PPARGC1A: variants seen among roughly 807,000 people sequenced by gnomAD.
The protein encoded by PPARGC1A is PPARG coactivator 1 alpha, also known as peroxisome proliferator-activated receptor gamma coactivator 1-alpha.
A neutral mutation model predicts 88.7 loss-of-function variants in PPARGC1A; 25 were observed. That is an observed-to-expected ratio of 0.28 (90% CI 0.21 to 0.39). The LOEUF (loss-of-function observed/expected upper bound fraction) is 0.39. Among genes scored for constraint, PPARGC1A ranks in the 10% least tolerant of loss-of-function variants. The pLI is 1.00. For synonymous variants in PPARGC1A, 363 were observed against 355.6 expected, an observed-to-expected ratio of 1.02 and a Z score of -0.24; for missense variants, 880 against 968.7, an observed-to-expected ratio of 0.91 and a Z score of 1.22.
the PPARGC1A span, among the ~76,000 whole-genome samples, chr4:24,132,791 G>T: frequency 1.3e-5 from 2 of 151,216 alleles, no homozygotes; most frequent in African/African-American, 4.9e-5. Flanking sequence ...CTTTCAAAGG[G>T]TTCCTCTGGC....
the PPARGC1A span, among the ~76,000 whole-genome samples, chr4:23,941,401 T>C: frequency 6.6e-6 from 1 of 152,120 alleles, no homozygotes; most frequent in Non-Finnish European, 1.5e-5. Flanking sequence ...TTAACCAAAC[T>C]ATTTTGTGGG....
chr4:24,390,807 C>G, the PPARGC1A span, among the ~76,000 whole-genome samples: 16 of 152,042 alleles, frequency 1.1e-4, no homozygotes, highest in African/African-American at 3.9e-4. Context: ...GAATGTTCTG[C>G]CTTTCAAATC....
chr4:23,827,911 GAAGA>G (rs1270488030), intron 5 of PPARGC1A, among the ~76,000 whole-genome samples: 2 of 151,910 alleles, frequency 1.3e-5, no homozygotes, highest in East Asian at 3.9e-4. Context: ...GGAGAAAGAA[GAAGA>G]AAGAACAAGA....
At chr4:23,898,537 G>A (rs1718879896) in intron 1 of PPARGC1A, among the ~76,000 whole-genome samples, 2 of 152,150 alleles carry the variant, frequency 1.3e-5, no homozygotes, top group Admixed American at 1.3e-4. Context: ...TAAACCCTCA[G>A]CTATTCTCAC....
chr4:24,170,207 A>C, the PPARGC1A span, among the ~76,000 whole-genome samples: 1 of 152,106 alleles, frequency 6.6e-6, no homozygotes, highest in Non-Finnish European at 1.5e-5. Flanking sequence ...GGTGAAGGGT[A>C]AAAAATCAGT....
chr4:23,949,016 C>T, the PPARGC1A span, among the ~76,000 whole-genome samples: 8 of 152,138 alleles, frequency 5.3e-5, no homozygotes, highest in Non-Finnish European at 5.9e-5. Flanking sequence ...ATGTTACTCT[C>T]TATTTGCCTA....
chr4:23,880,741 CA>C lies in PPARGC1A; in HGVS notation c.234+4010del, dbSNP rs1290038133. 4 of 152,332 alleles carry C rather than the reference CA, an allele frequency of 2.6e-5. No individual in the cohort carries two copies. In the East Asian group the frequency reaches 7.7e-4, roughly 29 times the overall value. 9.4% of individuals were successfully genotyped at this position (152,332 alleles called of 1,614,324 possible). ...AACCACCACTCACCCTTTTCTGCTACAAAGTTCACAGTTTCAGGCTTCCTGA... is the reference window on the plus strand; with the variant it reads ...AACCACCACTCACCCTTTTCTGCTACAAGTTCACAGTTTCAGGCTTCCTGA... On this transcript the variant is annotated intron_variant, in intron 2 of 12. Coordinates refer to ENST00000264867, the MANE Select transcript of PPARGC1A (RefSeq NM_013261.5).
chr4:24,470,277 G>GACACACACACAGACACACAC, the PPARGC1A span, among the ~76,000 whole-genome samples: 1 of 110,676 alleles, frequency 9.0e-6, no homozygotes, highest in Non-Finnish European at 1.9e-5. This position sits in a 1 kb window ranked among gnomAD's most constrained non-coding sequence, Gnocchi z 5.8. Context: ...GACAGACACA[G>GACACACACACAGACACACAC]ACACACACAC....
chr4:23,971,020 G>A, the PPARGC1A span, among the ~76,000 whole-genome samples: 3 of 152,096 alleles, frequency 2.0e-5, no homozygotes, highest in Non-Finnish European at 2.9e-5. Flanking sequence ...CATGCCCACC[G>A]CATGATCTGC....
chr4:24,411,630 G>A, the PPARGC1A span, among the ~76,000 whole-genome samples: 5 of 152,280 alleles, frequency 3.3e-5, no homozygotes, highest in African/African-American at 1.2e-4. Context: ...GTATCATACG[G>A]AATAGTCTCT....
chr4:24,195,183 C>T, the PPARGC1A span, among the ~76,000 whole-genome samples: 3 of 152,100 alleles, frequency 2.0e-5, no homozygotes, highest in African/African-American at 7.2e-5. Flanking sequence ...TAAATCAAAT[C>T]CCAGCTCTGT....
chr4:23,982,651 A>G, the PPARGC1A span, among the ~76,000 whole-genome samples: 1 of 152,172 alleles, frequency 6.6e-6, no homozygotes, highest in Non-Finnish European at 1.5e-5. Context: ...TACAAATAAA[A>G]AAGACCTGAG....
chr4:23,928,496 T>C, the PPARGC1A span, among the ~76,000 whole-genome samples: 1 of 152,180 alleles, frequency 6.6e-6, no homozygotes, highest in Non-Finnish European at 1.5e-5. Context: ...TTTATACTGT[T>C]GGTGGGAATG....
the PPARGC1A span, among the ~76,000 whole-genome samples, chr4:24,150,246 G>T: frequency 6.6e-6 from 1 of 152,144 alleles, no homozygotes; most frequent in African/African-American, 2.4e-5. Context: ...TGAGTAAGAA[G>T]GTCAGTAGAG....
At chr4:24,263,616 G>A in the PPARGC1A span, among the ~76,000 whole-genome samples, 1 of 152,062 alleles carries the variant, frequency 6.6e-6, no homozygotes, top group Non-Finnish European at 1.5e-5. Context: ...CTCCACTTCT[G>A]CCGTACCTGA....
chr4:24,046,392 A>G, the PPARGC1A span, among the ~76,000 whole-genome samples: 1 of 151,898 alleles, frequency 6.6e-6, no homozygotes, highest in South Asian at 2.1e-4. Context: ...AAACTCTTCC[A>G]TCTCTCTCAA....
chr4:23,814,705 G>A, intron 7 of PPARGC1A, 100 bp from the exon 8 acceptor site: 2 of 1,160,874 alleles, frequency 1.7e-6, no homozygotes, highest in Non-Finnish European at 2.3e-6. Context: ...ATTTTTCCAA[G>A]ATTTCAGACA....
the PPARGC1A span, among the ~76,000 whole-genome samples, chr4:23,931,031 G>A: frequency 6.6e-6 from 1 of 152,068 alleles, no homozygotes; most frequent in East Asian, 1.9e-4. Flanking sequence ...TCCGTTGCTA[G>A]GGCCTCTGTT....
chr4:24,432,892 G>A, the PPARGC1A span, among the ~76,000 whole-genome samples: 1 of 152,178 alleles, frequency 6.6e-6, no homozygotes, highest in African/African-American at 2.4e-5. Flanking sequence ...GCAGCTCTGG[G>A]AAGACACACC....
Sources: allele counts gnomAD v4.1 joint callset (sites outside exome capture counted in the v4.1 genomes callset), GRCh38; gene constraint gnomAD v4.1.1; non-coding constraint Gnocchi (gnomAD v3.1); transcripts MANE v1.5; gene names NCBI Gene and HGNC (gene_info 2026-07-23, HGNC 2026-07-21).